The following DNAH8 variants were observed in gnomAD, a reference collection of about 807,000 sequenced individuals.
The protein encoded by DNAH8 is axonemal beta dynein heavy chain 8.
In DNAH8, 382 loss-of-function variants were observed where a neutral mutation model predicts 562.1. The observed-to-expected ratio is 0.68, with a 90% CI of 0.63 to 0.74. The LOEUF (loss-of-function observed/expected upper bound fraction) is 0.74. DNAH8 is among the 30% of genes least tolerant of loss of function. The pLI is 0.00. For missense variants in DNAH8, 5,203 were observed against 5,620.4 expected (o/e 0.93, Z 2.37); for synonymous variants, 1,881 against 1,919.4 (o/e 0.98, Z 0.52).
At chr6:38,757,930 A>C (rs531535810) in intron 10 of DNAH8, among the ~76,000 whole-genome samples, 2 of 152,204 alleles carry the variant, frequency 1.3e-5, no homozygotes, top group South Asian at 4.2e-4. Context: ...GTAGCCTTGT[A>C]GTATAGTTTG....
rs1199610661 is a variant in DNAH8, at chr6:38,775,890, C to T, written c.1901C>T (p.Pro634Leu). The change falls in exon 13 of 93, where the codon CCA becomes CTA. Residue 634 changes from proline (P) to leucine (L), a missense_variant. Physicochemically the swap from Pro to Leu is moderately conservative, Grantham distance 98. Coordinates refer to ENST00000327475, the MANE Select transcript of DNAH8 (RefSeq NM_001206927.2). ...AAAAAGCAATATGACATTCTGGATCCAAGAAGGACAGAATTTGACACAGAT... is the reference window on the plus strand; with the variant it reads ...AAAAAGCAATATGACATTCTGGATCTAAGAAGGACAGAATTTGACACAGAT... ...VKKKQYDILD[P>L]RRTEFDTDFL... is the part of the protein sequence containing the mutation. 1.9e-6 allele frequency: 3 copies of T among 1,612,774 alleles called. No homozygotes were observed. The highest frequency in any genetic ancestry group is 2.5e-6 in the Non-Finnish European group (3 of 1,179,214).
chr6:38,915,514 CAATT>C (rs1248311095), intron 68 of DNAH8, 137 bp downstream of exon 68: 5 of 745,816 alleles, frequency 6.7e-6, no homozygotes, highest in Non-Finnish European at 9.6e-6. Flanking sequence ...ACAAATGTGT[CAATT>C]AATTCAGTTT....
At chr6:39,002,574 G>A (rs1765559792) in intron 88 of DNAH8, among the ~76,000 whole-genome samples, 1 of 152,104 alleles carries the variant, frequency 6.6e-6, no homozygotes, top group South Asian at 2.1e-4. Flanking sequence ...TGTGTTCTCT[G>A]TTCATGTATT....
Position 39,030,202 on chromosome 6 carries a change from A to C in DNAH8, c.13934A>C (p.Gln4645Pro). ...MESTPKVLFT[Q>P]LPVLHIFAIN... ...TCCACCCCCAAGGTACTCTTCACGCAGTTACCCGTGCTCCACATCTTTGCC... is the reference window on the plus strand; with the variant it reads ...TCCACCCCCAAGGTACTCTTCACGCCGTTACCCGTGCTCCACATCTTTGCC... Residue 4645 changes from glutamine (Q) to proline (P), a missense_variant, in exon 93 of 93, where the codon CAG becomes CCG. Coordinates refer to ENST00000327475, the MANE Select transcript of DNAH8 (RefSeq NM_001206927.2). 6.2e-7 allele frequency: 1 copy of C among 1,614,136 alleles called. No homozygotes were observed. The highest frequency in any genetic ancestry group is 1.1e-5 in the South Asian group (1 of 91,080).
chr6:39,017,632 T>A (rs977466390), intron 91 of DNAH8, among the ~76,000 whole-genome samples: 1 of 152,180 alleles, frequency 6.6e-6, no homozygotes, highest in Non-Finnish European at 1.5e-5. Context: ...TTGTGCCCAC[T>A]TTTTTCTGTT....
chr6:38,873,483 A>G (rs1777631197), intron 52 of DNAH8, 107 bp downstream of exon 52: 4 of 965,118 alleles, frequency 4.1e-6, no homozygotes, highest in South Asian at 4.0e-5. Context: ...CATAAAAATC[A>G]TTTGATGATG....
chr6:38,958,808 C>G (rs1762434916), intron 82 of DNAH8, among the ~76,000 whole-genome samples: 1 of 152,100 alleles, frequency 6.6e-6, no homozygotes, highest in Non-Finnish European at 1.5e-5. Context: ...TAGCATTACT[C>G]TAATATCAAA....
At chr6:38,759,617 T>C (rs1766297833) in intron 10 of DNAH8, among the ~76,000 whole-genome samples, 1 of 152,190 alleles carries the variant, frequency 6.6e-6, no homozygotes, top group African/African-American at 2.4e-5. Flanking sequence ...ACCTTTGCAC[T>C]TTCTAGTGAA....
At chr6:39,026,515 G>A in intron 91 of DNAH8, 31 bp from the exon 92 acceptor site, 1 of 1,588,930 alleles carries the variant, frequency 6.3e-7, no homozygotes, top group Non-Finnish European at 8.6e-7. Context: ...ATTGCAACAA[G>A]GCTTCAACAT....
chr6:38,756,603 T>C (rs981974157), intron 10 of DNAH8, among the ~76,000 whole-genome samples: 1 of 152,070 alleles, frequency 6.6e-6, no homozygotes, highest in African/African-American at 2.4e-5. Flanking sequence ...ATGTGCCATG[T>C]TGGTGTGCTG....
Position 38,786,775 on chromosome 6 carries a change from C to A in DNAH8, c.2406C>A (p.Ala802=). ...EISQLHYALQ[A]TLFVRHPETG... ...ATTATTTATTTGTAGCTTTACAAGC[C>A]ACGCTTTTTGTGCGACATCCAGAAA... Residue 802 remains alanine, a synonymous_variant, in exon 18 of 93, where the codon GCC becomes GCA. Transcript: ENST00000327475. 6.2e-7 allele frequency: 1 copy of A among 1,610,488 alleles called. No individual in the cohort carries two copies. Among genetic ancestry groups the A allele is most frequent in the Non-Finnish European group, 8.5e-7 (1 of 1,178,840 alleles).
intron 88 of DNAH8, among the ~76,000 whole-genome samples, chr6:38,996,693 G>C (rs557112389): frequency 2.1e-5 from 3 of 145,460 alleles, no homozygotes; most frequent in African/African-American, 7.5e-5. Context: ...CTCAAGGGGG[G>C]ACTGATAGGA....
chr6:39,008,874 G>C lies in DNAH8; in HGVS notation c.13275G>C (p.Glu4425Asp). 6.2e-7 allele frequency: 1 copy of C among 1,607,364 alleles called. No homozygotes were observed. Among genetic ancestry groups the C allele is most frequent in the East Asian group, 2.2e-5 (1 of 44,834 alleles). ...CAATTACCAACATTCAACCCAAAGA[G>C]AGTGGAGGTGGTGTGGGAGAGACCC... ...LETITNIQPKESGGGVGETRE... is the reference protein window; with the variant it reads ...LETITNIQPKDSGGGVGETRE... The change falls in exon 89 of 93, where the codon GAG becomes GAC. Residue 4425 changes from glutamate (E) to aspartate (D), a missense_variant. Physicochemically the swap from Glu to Asp is conservative, Grantham distance 45. Coordinates refer to ENST00000327475, the MANE Select transcript of DNAH8 (RefSeq NM_001206927.2).
At chr6:38,776,962 T>C (rs1265233689) in intron 13 of DNAH8, among the ~76,000 whole-genome samples, 1 of 152,208 alleles carries the variant, frequency 6.6e-6, no homozygotes. Context: ...AAGTCTGATA[T>C]CCTTGCCATG....
chr6:38,715,939 TATATATA>T lies in DNAH8; in HGVS notation c.-35+525_-35+531del, dbSNP rs1762267128. On this transcript the variant is annotated intron_variant, in intron 1 of 92. Transcript: ENST00000327475. ...ATAAATAAATAAATATATATATATA[TATATATA>T]TATATATATATATATTTTTTTTTTT... 1.6e-4 allele frequency among the ~76,000 whole-genome samples: 4 copies of T among 25,548 alleles called. No individual in the cohort carries two copies. In the East Asian group the frequency reaches 5.5e-3, roughly 35 times the overall value. 16.8% of individuals were successfully genotyped at this position (25,548 alleles called of 152,430 possible).
At chr6:38,831,287 T>C (rs1016422644) in intron 30 of DNAH8, among the ~76,000 whole-genome samples, 2 of 151,784 alleles carry the variant, frequency 1.3e-5, no homozygotes, top group Non-Finnish European at 2.9e-5. Flanking sequence ...TAGCTGGAAA[T>C]GGCAGCACAC....
chr6:38,878,015 T>A (rs1583253408), intron 53 of DNAH8, among the ~76,000 whole-genome samples: 2 of 151,962 alleles, frequency 1.3e-5, no homozygotes, highest in Admixed American at 1.3e-4. Context: ...AAGGCAGAGG[T>A]TGATTTGGGA....
chr6:38,770,201 G>C lies in DNAH8; in HGVS notation c.1618-212G>C, dbSNP rs536589417. On this transcript the variant is annotated intron_variant, in intron 11 of 92. Transcript: ENST00000327475. ...AAAATGTAAAAACAAATAGTATATG[G>C]TATGCTTTGATGTAGGATAAGAGTT... 7.2e-5 allele frequency among the ~76,000 whole-genome samples: 11 copies of C among 152,110 alleles called. No homozygotes were observed. The South Asian group carries it at 2.3e-3, about 32-fold the overall frequency.
chr6:38,793,786 T>C (rs1202412516), intron 21 of DNAH8, among the ~76,000 whole-genome samples: 1 of 152,180 alleles, frequency 6.6e-6, no homozygotes. Context: ...TCTTTAGACA[T>C]TAAAAAATAT....
Sources: gnomAD v4.1 joint callset for allele counts (sites outside exome capture counted in the v4.1 genomes callset) on GRCh38, gnomAD v4.1.1 for gene constraint, MANE v1.5 for transcripts, NCBI Gene and HGNC (gene_info 2026-07-23, HGNC 2026-07-21) for gene names.